TULP4: variants seen among roughly 807,000 people sequenced by gnomAD.
TULP4 encodes tubby-related protein 4.
TULP4 carries 16 observed loss-of-function variants against 129.0 expected under a neutral mutation model. That is an observed-to-expected ratio of 0.12 (90% CI 0.08 to 0.19). The LOEUF is 0.19. Among genes scored for constraint, TULP4 ranks in the 10% least tolerant of loss-of-function variants. TULP4 has a pLI of 1.00. For missense variants in TULP4, 1,842 were observed against 2,059.1 expected, an observed-to-expected ratio of 0.89 and a Z score of 2.04; for synonymous variants, 998 against 854.0, an observed-to-expected ratio of 1.17 and a Z score of -2.94.
chr6:158,487,152 G>A (rs1380924789), intron 8 of TULP4, among the ~76,000 whole-genome samples: 1 of 102,196 alleles, frequency 9.8e-6, no homozygotes, highest in Admixed American at 8.7e-5. Context: ...GGAGGCTGAG[G>A]CAGGAGAATC....
At position 158,444,028 on chromosome 6, in the gene TULP4, G is replaced by A. The variant is rs535678435; in HGVS notation, c.544-4968G>A. 8.6e-4 allele frequency among the ~76,000 whole-genome samples: 131 copies of A among 151,766 alleles called. No homozygotes were observed. The East Asian group carries it at 0.017, about 20-fold the overall frequency. On this transcript the variant is annotated intron_variant, in intron 3 of 13. Transcript: ENST00000367097. Reference sequence around the variant, plus strand: ...AGGTCAGGAGATTGAGACCATCCTGGCTAACACGGTGAAACCCCGTCTCTA... The same window carrying A: ...AGGTCAGGAGATTGAGACCATCCTGACTAACACGGTGAAACCCCGTCTCTA...
intron 2 of TULP4, among the ~76,000 whole-genome samples, chr6:158,417,869 G>A (rs138696936): frequency 3.3e-5 from 5 of 152,200 alleles, no homozygotes; most frequent in Non-Finnish European, 5.9e-5. Context: ...AAATGAGTTT[G>A]GAACAGTACA....
intron 1 of TULP4, among the ~76,000 whole-genome samples, chr6:158,233,572 T>G (rs1253485755): frequency 6.6e-6 from 1 of 152,166 alleles, no homozygotes; most frequent in Non-Finnish European, 1.5e-5. Context: ...GCCAGATTGC[T>G]GGGGTGTGAG....
At chr6:158,480,677 T>C (rs1385251663) in intron 7 of TULP4, among the ~76,000 whole-genome samples, 1 of 146,278 alleles carries the variant, frequency 6.8e-6, no homozygotes, top group African/African-American at 2.5e-5. Context: ...ATCAAAGTTT[T>C]AGAATCTGTT....
Position 158,314,160 on chromosome 6 carries a change from G to A in TULP4, c.144G>A (p.Thr48=), listed in dbSNP as rs370460109. The change falls in exon 1 of 14, where the codon ACG becomes ACA. Residue 48 remains threonine, a synonymous_variant. Coordinates refer to ENST00000367097, the MANE Select transcript of TULP4 (RefSeq NM_020245.5). ...RRYYEEGWLA[T]GNGRGVVGVT... is the part of the protein sequence containing the mutation. ...ACTATGAGGAAGGCTGGCTGGCCAC[G>A]GGCAACGGGCGAGGAGTGGTTGGGG... is the stretch of plus-strand genomic sequence containing the variant. The A allele has an allele frequency of 4.6e-5, 74 of 1,614,042 alleles. No individual in the cohort carries two copies. The highest frequency in any genetic ancestry group is 3.2e-4 in the Admixed American group (19 of 59,996).
At chr6:158,256,618 G>T (rs1778249344) in intron 1 of TULP4, among the ~76,000 whole-genome samples, 1 of 152,182 alleles carries the variant, frequency 6.6e-6, no homozygotes, top group African/African-American at 2.4e-5. Flanking sequence ...TTTGATATAA[G>T]ATCTGCTCTC....
intron 1 of TULP4, among the ~76,000 whole-genome samples, chr6:158,378,657 G>A (rs186688437): frequency 1.2e-3 from 185 of 152,106 alleles, no homozygotes; most frequent in African/African-American, 4.3e-3. Context: ...GCTGATTTTT[G>A]TATTTTTAGT....
intron 6 of TULP4, among the ~76,000 whole-genome samples, chr6:158,464,279 A>T (rs1239547037): frequency 6.6e-6 from 1 of 152,196 alleles, no homozygotes; most frequent in Non-Finnish European, 1.5e-5. Flanking sequence ...CGTAAGGCAC[A>T]TGTTGGTTAA....
intron 1 of TULP4, among the ~76,000 whole-genome samples, chr6:158,274,796 C>T (rs1778613924): frequency 6.6e-6 from 1 of 151,850 alleles, no homozygotes; most frequent in Non-Finnish European, 1.5e-5. Flanking sequence ...AAACAAAAAA[C>T]CAAAACCTTC....
At chr6:158,452,388 C>T (rs1292074257) in intron 5 of TULP4, 120 bp downstream of exon 5, 1 of 1,335,504 alleles carries the variant, frequency 7.5e-7, no homozygotes, top group African/African-American at 1.5e-5. Flanking sequence ...ACCTTCTGGG[C>T]TTCATGGAGT....
Position 158,493,645 on chromosome 6 carries a change from G to T in TULP4, c.1704G>T (p.Leu568Phe), listed in dbSNP as rs770788702. 6.3e-7 allele frequency: 1 copy of T among 1,599,048 alleles called. No individual in the cohort carries two copies. Among genetic ancestry groups the T allele is most frequent in the Admixed American group, 1.7e-5 (1 of 58,008 alleles). ...AGGAGCTCTCCCGGTCCCCACGGTT[G>T]CCCCTGCGCAAGCCCTCTGTGGGCT... ...AAQELSRSPR[L>F]PLRKPSVGSP... The change falls in exon 10 of 14, where the codon TTG becomes TTT. Residue 568 changes from leucine to phenylalanine, a missense_variant. This residue lies in a region of TULP4 where 456 missense variants were observed against 534.3 expected (regional missense o/e 0.85). Coordinates refer to ENST00000367097, the MANE Select transcript of TULP4 (RefSeq NM_020245.5). This position sits in a 1 kb window ranked among gnomAD's most constrained non-coding sequence, Gnocchi z 4.4.
rs1408079872 is a variant in TULP4, at chr6:158,312,943, G to A, written c.-1074G>A. ...TTAACTTCCCTGTCAAGTCCAAGAA[G>A]ACTTGCGTATGAGAAGATTACCTGA... On this transcript the variant is annotated 5_prime_UTR_variant, in exon 1 of 14. Coordinates refer to ENST00000367097, the MANE Select transcript of TULP4 (RefSeq NM_020245.5). The A allele has an allele frequency of 6.6e-6, 1 of 152,248 alleles. No homozygotes were observed. Among genetic ancestry groups the A allele is most frequent in the African/African-American group, 2.4e-5 (1 of 41,434 alleles). The allele number at this position is 152,248 out of a possible 1,614,324, so 9.4% of individuals were successfully genotyped here. A position where few individuals can be genotyped will look rare whatever the true frequency, so the allele number is the denominator to read the frequency against.
chr6:158,375,770 A>AAT (rs971801261), intron 1 of TULP4, among the ~76,000 whole-genome samples: 1 of 152,206 alleles, frequency 6.6e-6, no homozygotes, highest in Non-Finnish European at 1.5e-5. Context: ...GGAGTAAACT[A>AAT]ATATATATAA....
Position 158,321,508 on chromosome 6 carries a change from C to T in TULP4, c.252+7240C>T, listed in dbSNP as rs111528794. Among the ~76,000 whole-genome samples the T allele has an allele frequency of 1.2e-4, 18 of 152,292 alleles. 2 individuals are homozygous for T. The highest frequency in any genetic ancestry group is 3.6e-4 in the African/African-American group (15 of 41,544). On this transcript the variant is annotated intron_variant, in intron 1 of 13. Coordinates refer to ENST00000367097, the MANE Select transcript of TULP4 (RefSeq NM_020245.5). The stretch of plus-strand genomic sequence containing the variant: ...ACACCAGTCAGGCCTCGCAGACTAT[C>T]GGTCACCCAGACAGAACTCATTTCC...
chr6:158,401,882 G>A (rs1019505904), intron 1 of TULP4, among the ~76,000 whole-genome samples: 6 of 151,848 alleles, frequency 4.0e-5, no homozygotes, highest in African/African-American at 1.5e-4. Flanking sequence ...TTGTAAGAGT[G>A]TTTCCATCTG....
intron 5 of TULP4, among the ~76,000 whole-genome samples, chr6:158,453,648 G>C (rs909271221): frequency 6.6e-6 from 1 of 151,802 alleles, no homozygotes; most frequent in Non-Finnish European, 1.5e-5. Context: ...AATTAGCTGG[G>C]CGTGGTAGCA....
In TULP4 at chr6:158,479,826, G is replaced by T. The variant is rs764334620; in HGVS notation, c.1102G>T (p.Val368Leu). 4.3e-6 allele frequency: 7 copies of T among 1,614,010 alleles called. No individual in the cohort carries two copies. The highest frequency in any genetic ancestry group is 5.1e-6 in the Non-Finnish European group (6 of 1,180,042). The change falls in exon 7 of 14, where the codon GTG becomes TTG. Residue 368 changes from valine (V) to leucine (L), a missense_variant. By Grantham distance (32) the Val-to-Leu change is conservative. Around this residue, in one of 5 missense-constraint regions of TULP4, gnomAD observed 456 missense variants for 534.3 expected, o/e 0.85. Transcript: ENST00000367097. ...GGCATCAGGACCAGCCCTGTACGTG[G>T]TGCGTGTGGAGCACCGGGTGTCCAG... is the stretch of plus-strand genomic sequence containing the variant. ...LMASGPALYV[V>L]RVEHRVSSLQ...
At chr6:158,310,929 G>A (rs984008765), upstream of TULP4, among the ~76,000 whole-genome samples, 6 of 151,874 alleles carry the variant, frequency 4.0e-5, no homozygotes, top group Non-Finnish European at 8.8e-5. Flanking sequence ...TTTTACTGCC[G>A]TATCAAAGAT....
At chr6:158,504,493 C>T (rs1780552061) in intron 13 of TULP4, among the ~76,000 whole-genome samples, 1 of 151,638 alleles carries the variant, frequency 6.6e-6, no homozygotes, top group South Asian at 2.1e-4. Flanking sequence ...ACTACACGTG[C>T]CCGCCACCAT....
Sources: gnomAD v4.1 joint callset for allele counts (sites outside exome capture counted in the v4.1 genomes callset) on GRCh38, gnomAD v4.1.1 for gene constraint, gnomAD v4.1.1 regional missense constraint, Gnocchi (gnomAD v3.1) non-coding constraint, MANE v1.5 for transcripts, NCBI Gene and HGNC (gene_info 2026-07-23, HGNC 2026-07-21) for gene names.